Variants in TXNDC12 observed in about 807,000 individuals in gnomAD.
TXNDC12 encodes thioredoxin domain containing 12.
TXNDC12 carries 22 observed loss-of-function variants against 24.2 expected under a neutral mutation model. The ratio of observed to expected loss-of-function variants is 0.91; its 90% CI spans 0.65 to 1.30. The LOEUF is 1.30. Among genes scored for constraint, TXNDC12 ranks in the 50% most tolerant of loss-of-function variants. The pLI is 0.00. For missense variants in TXNDC12, 184 were observed against 205.8 expected (o/e 0.89, Z 0.65); for synonymous variants, 58 against 73.4 (o/e 0.79, Z 1.07).
intron 1 of TXNDC12, among the ~76,000 whole-genome samples, chr1:52,046,972 G>A (rs1180372461): frequency 6.6e-6 from 1 of 151,512 alleles, no homozygotes; most frequent in Non-Finnish European, 1.5e-5. Context: ...GAACTTGGGA[G>A]GCGAAGGTTG....
At chr1:52,021,355 A>T (rs2124354854) in intron 6 of TXNDC12, among the ~76,000 whole-genome samples, 1 of 152,126 alleles carries the variant, frequency 6.6e-6, no homozygotes, top group South Asian at 2.1e-4. Flanking sequence ...CCTAGACTGT[A>T]GATGTTCACT....
In TXNDC12 at chr1:52,043,056, C is replaced by T. The variant is rs140725789; in HGVS notation, c.98-1459G>A. 7.8e-3 allele frequency among the ~76,000 whole-genome samples: 1,190 copies of T among 152,360 alleles called. 16 individuals carry two copies. The highest frequency in any genetic ancestry group is 0.028 in the African/African-American group (1,144 of 41,578). ...GGGATTACAGGCATGAGCCACCGCA[C>T]CCGGCCCTTTCACTTCTTTAAATGA... On this transcript the variant is annotated intron_variant, in intron 1 of 6. Transcript: ENST00000371626.
chr1:52,041,473 A>G lies in TXNDC12; in HGVS notation c.158+64T>C, dbSNP rs1293359173. 5.1e-6 allele frequency: 6 copies of G among 1,184,548 alleles called. No individual in the cohort carries two copies. In the Admixed American group the frequency reaches 1.1e-4, roughly 22 times the overall value. 73.4% of individuals were successfully genotyped at this position (1,184,548 alleles called of 1,614,324 possible). On this transcript the variant is annotated intron_variant, in intron 2 of 6. Coordinates refer to ENST00000371626, the MANE Select transcript of TXNDC12 (RefSeq NM_015913.4). Reference sequence around the variant, plus strand: ...TTGGTATAGCCCTTCACCTGAAATTAACGTTAAGTTGATAGCTGAAAAGTG... The same window carrying G: ...TTGGTATAGCCCTTCACCTGAAATTGACGTTAAGTTGATAGCTGAAAAGTG...
intron 2 of TXNDC12, among the ~76,000 whole-genome samples, chr1:52,030,091 C>T (rs1053327088): frequency 1.3e-5 from 2 of 151,944 alleles, no homozygotes; most frequent in Admixed American, 1.3e-4. Context: ...GGTTCTAGGC[C>T]GGGCACAGTG....
Position 52,050,980 on chromosome 1 carries a change from G to C in TXNDC12, c.97+4020C>G, listed in dbSNP as rs140247671. ...AGACTGGAATGGTATGCTGGTTAAG[G>C]GCACTGGCTCTGGGATTTGTATTCC... On this transcript the variant is annotated intron_variant, in intron 1 of 6. Coordinates refer to ENST00000371626, the MANE Select transcript of TXNDC12 (RefSeq NM_015913.4). 438 of 169,778 alleles carry C rather than the reference G, an allele frequency of 2.6e-3. 1 individual carries two copies. The highest frequency in any genetic ancestry group is 4.9e-3 in the Non-Finnish European group (337 of 68,390). 10.5% of individuals were successfully genotyped at this position (169,778 alleles called of 1,614,324 possible).
intron 2 of TXNDC12, 71 bp from the exon 3 acceptor site, chr1:52,028,701 T>G: frequency 8.7e-7 from 1 of 1,149,384 alleles, no homozygotes; most frequent in Non-Finnish European, 1.3e-6. Context: ...AAGATTAATA[T>G]GTGAAGACAT....
At chr1:52,051,725 GCTT>G (rs1475175217) in intron 1 of TXNDC12, 7 of 169,212 alleles carry the variant, frequency 4.1e-5, no homozygotes, top group Non-Finnish European at 1.0e-4. Context: ...TCACTGTGCT[GCTT>G]CTTCTTAATG....
chr1:52,053,254 G>A lies in TXNDC12; in HGVS notation c.97+1746C>T, dbSNP rs550670314. ...CTCCAGCCTGGCAGAGTGAGACTCC[G>A]TCTCAAAAACAAAAGCAAACAAACA... On this transcript the variant is annotated intron_variant, in intron 1 of 6. Transcript: ENST00000371626. Among the ~76,000 whole-genome samples the A allele has an allele frequency of 5.9e-5, 9 of 151,994 alleles. No homozygotes were observed. In the East Asian group the frequency reaches 1.2e-3, roughly 20 times the overall value.
At chr1:52,033,372 G>A in intron 2 of TXNDC12, 1 of 1,613,660 alleles carries the variant, frequency 6.2e-7, no homozygotes, top group Non-Finnish European at 8.5e-7. Context: ...AACTCACACT[G>A]ACGTTCCGGC....
intron 5 of TXNDC12, among the ~76,000 whole-genome samples, chr1:52,023,990 CT>C (rs397830118): frequency 2.6e-3 from 366 of 142,326 alleles, no homozygotes; most frequent in Non-Finnish European, 2.3e-3. Context: ...TGATCAAACT[CT>C]TTTTTTTTTT....
intron 2 of TXNDC12, among the ~76,000 whole-genome samples, chr1:52,041,006 G>A (rs548004555): frequency 2.0e-5 from 3 of 150,004 alleles, no homozygotes; most frequent in South Asian, 2.1e-4. Flanking sequence ...CTGCACTCCC[G>A]CCTGGGTGAC....
intron 2 of TXNDC12, among the ~76,000 whole-genome samples, chr1:52,030,166 C>T (rs1484103082): frequency 1.3e-5 from 2 of 151,896 alleles, no homozygotes; most frequent in Non-Finnish European, 2.9e-5. Flanking sequence ...GCTCACAAGT[C>T]CAAGACCAGC....
chr1:52,056,111 C>T (rs1686340474), upstream of TXNDC12: 1 of 152,218 alleles, frequency 6.6e-6, no homozygotes, highest in African/African-American at 2.4e-5. Flanking sequence ...CAACAGAACG[C>T]TCGGGAGACT....
rs1030261945 is a variant in TXNDC12, at chr1:52,041,535, A to G, written c.158+2T>C. ...TAAATGACCTAAAACCATGTCTTGT[A>G]CCTGGCAGCTGCTTCTTTCTTCCCA... On this transcript the variant is annotated splice_donor_variant, in intron 2 of 6. Transcript: ENST00000371626. LOFTEE classifies it high-confidence loss of function. The G allele has an allele frequency of 6.2e-7, 1 of 1,609,036 alleles. No individual in the cohort carries two copies. The highest frequency in any genetic ancestry group is 1.3e-5 in the African/African-American group (1 of 74,800).
intron 1 of TXNDC12, among the ~76,000 whole-genome samples, chr1:52,042,705 C>T (rs967726012): frequency 2.6e-5 from 4 of 152,206 alleles, no homozygotes; most frequent in East Asian, 1.9e-4. Context: ...TCACCGCAAC[C>T]TCCACCTCCT....
intron 2 of TXNDC12, among the ~76,000 whole-genome samples, chr1:52,040,174 C>T (rs1300045058): frequency 1.3e-5 from 2 of 152,108 alleles, no homozygotes; most frequent in African/African-American, 4.8e-5. Flanking sequence ...CTCAGGTAAT[C>T]TGCCCGCCTC....
chr1:52,021,080 C>T (rs555466267), intron 6 of TXNDC12, 68 bp from the exon 7 acceptor site: 3 of 1,142,890 alleles, frequency 2.6e-6, no homozygotes, highest in Admixed American at 1.7e-5. Flanking sequence ...AACCAATGTA[C>T]ACTTTTAAAT....
At chr1:52,040,139 G>A (rs906936097) in intron 2 of TXNDC12, among the ~76,000 whole-genome samples, 1 of 151,974 alleles carries the variant, frequency 6.6e-6, no homozygotes, top group East Asian at 1.9e-4. Context: ...TACCATGTTG[G>A]CCAGGGTGGT....
At chr1:52,044,224 C>T (rs1686045852) in intron 1 of TXNDC12, 1 of 152,162 alleles carries the variant, frequency 6.6e-6, no homozygotes, top group Non-Finnish European at 1.5e-5. Flanking sequence ...ATGACAGAAC[C>T]CTCCATAAAC....
Sources: allele counts gnomAD v4.1 joint callset (sites outside exome capture counted in the v4.1 genomes callset), GRCh38; gene constraint gnomAD v4.1.1; transcripts MANE v1.5; gene names NCBI Gene and HGNC (gene_info 2026-07-23, HGNC 2026-07-21).